The following EMC3 variants were observed in gnomAD, a reference collection of about 807,000 sequenced individuals.
EMC3 encodes ER membrane protein complex subunit 3.
EMC3 carries 13 observed loss-of-function variants against 36.6 expected under a neutral mutation model. The ratio of observed to expected loss-of-function variants is 0.35; its 90% CI spans 0.23 to 0.56. The LOEUF is 0.56. Ranked by LOEUF, EMC3 falls within the 20% of genes least tolerant of loss-of-function variation. The pLI, the probability that EMC3 is intolerant of heterozygous loss-of-function variation, is 0.84. For synonymous variants in EMC3, 120 were observed against 111.9 expected (o/e 1.07, Z -0.46); for missense variants, 220 against 324.5 (o/e 0.68, Z 2.47).
chr3:10,002,302 A>ATTTTATTTTATTTTATT (rs1330157856), intron 1 of EMC3, among the ~76,000 whole-genome samples: 1 of 148,770 alleles, frequency 6.7e-6, no homozygotes, highest in Admixed American at 6.8e-5. Context: ...ATTTTATTTT[A>ATTTTATTTTATTTTATT]TTTTGAGATA....
intron 1 of EMC3, chr3:9,978,151 A>T (rs2085869908): frequency 6.3e-5 from 3 of 47,300 alleles, no homozygotes; most frequent in Non-Finnish European, 1.0e-4. Context: ...TCTCTAAAAA[A>T]AAAAAAAAAA....
At chr3:9,988,437 C>T, upstream of EMC3, 2 of 1,355,240 alleles carry the variant, frequency 1.5e-6, no homozygotes, top group Non-Finnish European at 2.1e-6. Flanking sequence ...ATAAAGTCAG[C>T]TATTAGATAT....
At chr3:9,974,792 T>G (rs1374834205) in intron 3 of EMC3, among the ~76,000 whole-genome samples, 1 of 150,860 alleles carries the variant, frequency 6.6e-6, no homozygotes, top group Admixed American at 6.6e-5. Context: ...TCTCCTGAAC[T>G]CGTGATCCGC....
At chr3:10,007,750 G>C (rs2086280566) in intron 1 of EMC3, 1 of 971,360 alleles carries the variant, frequency 1.0e-6, no homozygotes, top group Non-Finnish European at 1.4e-6. Flanking sequence ...ACCCATCAAG[G>C]AGCTTCCTTG....
chr3:9,980,749 A>T (rs1396754105), intron 1 of EMC3, among the ~76,000 whole-genome samples: 3 of 152,102 alleles, frequency 2.0e-5, no homozygotes, highest in Non-Finnish European at 4.4e-5. Context: ...TACCTGGCAC[A>T]TCCTAAGCAC....
chr3:9,965,746 G>T (rs1409988463), intron 7 of EMC3, among the ~76,000 whole-genome samples: 1 of 151,946 alleles, frequency 6.6e-6, no homozygotes, highest in East Asian at 1.9e-4. Flanking sequence ...GGCATATGTG[G>T]CCTTTTGTTA....
intron 6 of EMC3, among the ~76,000 whole-genome samples, 173 bp from the exon 7 acceptor site, chr3:9,969,974 T>C (rs1048275842): frequency 5.3e-5 from 8 of 152,034 alleles, no homozygotes; most frequent in Non-Finnish European, 1.0e-4. Flanking sequence ...TCCTGAAAAA[T>C]GGGGACAGTA....
Position 9,986,591 on chromosome 3 carries a change from G to C in EMC3, c.71C>G (p.Thr24Ser), listed in dbSNP as rs1163349990. ...LWVVLPIVII[T>S]FFVGMIRHYV... ...GTGGCGGATCATGCCTACGAAGAAA[G>C]TGATGATAACGATGGGTAGGACCAC... The change falls in exon 1 of 8, where the codon ACT becomes AGT. Residue 24 changes from threonine to serine, a missense_variant. Thr to Ser is a moderately conservative substitution (Grantham distance 58). Coordinates refer to ENST00000245046, the MANE Select transcript of EMC3 (RefSeq NM_001394674.1). 44 of 1,614,114 alleles carry C rather than the reference G, an allele frequency of 2.7e-5. No homozygotes were observed. Among genetic ancestry groups the C allele is most frequent in the Non-Finnish European group, 3.6e-5 (42 of 1,180,060 alleles).
intron 1 of EMC3, among the ~76,000 whole-genome samples, chr3:9,979,509 C>T (rs1236804256): frequency 6.6e-6 from 1 of 152,180 alleles, no homozygotes; most frequent in South Asian, 2.1e-4. Flanking sequence ...CTTAAATTCC[C>T]TAAGTCTCTA....
In EMC3 at chr3:10,004,841, G is replaced by T. The variant is rs936353094; in HGVS notation, c.-242+6182C>A. On this transcript the variant is annotated intron_variant, in intron 1 of 8. Coordinates refer to the EMC3 transcript ENST00000470827. ...AACGGCCCTCAGACCCAGAGGGTTT[G>T]GAGCCTGGGGTATTGTCACCGACAG... The T allele has an allele frequency of 2.6e-5, 4 of 152,450 alleles. No individual in the cohort carries two copies. In the East Asian group the frequency reaches 5.8e-4, roughly 22 times the overall value. The allele number at this position is 152,450 out of a possible 1,614,324, so 9.4% of individuals were successfully genotyped here.
intron 1 of EMC3, chr3:10,007,203 A>T: frequency 2.4e-6 from 2 of 837,520 alleles, no homozygotes; most frequent in Non-Finnish European, 3.2e-6. Context: ...AATCATTAGT[A>T]GTGGCTCTGA....
At chr3:9,991,049 C>T (rs368552083), upstream of EMC3, among the ~76,000 whole-genome samples, 1 of 151,578 alleles carries the variant, frequency 6.6e-6, no homozygotes, top group South Asian at 2.1e-4. Context: ...AGGATGGTCT[C>T]GATCTCCTGA....
intron 7 of EMC3, among the ~76,000 whole-genome samples, chr3:9,965,551 T>C (rs1559348490): frequency 6.6e-6 from 1 of 152,208 alleles, no homozygotes; most frequent in Non-Finnish European, 1.5e-5. Flanking sequence ...ACCCCTTTAA[T>C]GTGTATAATT....
At chr3:9,993,695 A>G (rs1462993394) in intron 1 of EMC3, among the ~76,000 whole-genome samples, 2 of 152,272 alleles carry the variant, frequency 1.3e-5, no homozygotes, top group African/African-American at 4.8e-5. Context: ...TGGTATCAAT[A>G]AGGAAGCTAT....
chr3:9,990,124 A>G (rs1575690297), upstream of EMC3, among the ~76,000 whole-genome samples: 1 of 151,656 alleles, frequency 6.6e-6, no homozygotes, highest in Non-Finnish European at 1.5e-5. Context: ...TCCTGGGTTC[A>G]TGCCATTCTT....
chr3:9,986,909 G>A, upstream of EMC3: 1 of 1,296,520 alleles, frequency 7.7e-7, no homozygotes, highest in Non-Finnish European at 9.9e-7. Context: ...GGGCCTGGCG[G>A]GAAAGTGGAA....
At chr3:10,007,387 C>T (rs765169812) in intron 1 of EMC3, 1 of 1,366,638 alleles carries the variant, frequency 7.3e-7, no homozygotes, top group Admixed American at 1.9e-5. Flanking sequence ...CCCTGGGAAC[C>T]AGACTGTGCT....
In EMC3 at chr3:9,974,483, T is replaced by C; in HGVS notation, c.313A>G (p.Thr105Ala). The C allele has an allele frequency of 6.2e-7, 1 of 1,604,986 alleles. No individual in the cohort carries two copies. The highest frequency in any genetic ancestry group is 1.3e-5 in the African/African-American group (1 of 74,864). The change falls in exon 4 of 8, where the codon ACT (threonine) becomes GCT (alanine). Residue 105 changes from threonine to alanine, a missense_variant. By Grantham distance (58) the Thr-to-Ala change is moderately conservative. This residue lies in a region of EMC3 where 127 missense variants were observed against 174.6 expected (regional missense o/e 0.73). Transcript: ENST00000245046. ...CCTTTCATCATGTCTGTCAACATAG[T>C]AGGATCTAAGACAAAAGCACAAACA... Reference protein sequence around the residue: ...VVPPSPMTDPTMLTDMMKGNV... With the variant: ...VVPPSPMTDPAMLTDMMKGNV...
At position 9,986,777 on chromosome 3, in the gene EMC3, C is replaced by A. The variant is rs562089261; in HGVS notation, c.-116G>T. 6.6e-7 allele frequency: 1 copy of A among 1,509,362 alleles called. No homozygotes were observed. The highest frequency in any genetic ancestry group is 1.3e-5 in the South Asian group (1 of 76,422). The allele number at this position is 1,509,362 out of a possible 1,614,324, so 93.5% of individuals were successfully genotyped here. The stretch of plus-strand genomic sequence containing the variant: ...CTCAAGCCCCTTTGCCCGTGTACCC[C>A]AGAACTCTCCTGCGACTGTGAGCCG... On this transcript the variant is annotated 5_prime_UTR_variant, in exon 1 of 8. Transcript: ENST00000245046.
Sources: gnomAD v4.1 joint callset for allele counts (sites outside exome capture counted in the v4.1 genomes callset) on GRCh38, gnomAD v4.1.1 for gene constraint, gnomAD v4.1.1 regional missense constraint, MANE v1.5 for transcripts, NCBI Gene and HGNC (gene_info 2026-07-23, HGNC 2026-07-21) for gene names.